MNS1: variants seen among roughly 807,000 people sequenced by gnomAD.
The protein encoded by MNS1 is meiosis-specific nuclear structural protein 1.
A neutral mutation model predicts 72.0 loss-of-function variants in MNS1; 63 were observed. The ratio of observed to expected loss-of-function variants is 0.87; its 90% CI spans 0.71 to 1.08. MNS1 has a LOEUF of 1.08. MNS1 is among the 50% of genes least tolerant of loss of function. MNS1 has a pLI of 0.00. For synonymous variants in MNS1, 188 were observed against 172.1 expected (o/e 1.09, Z -0.72); for missense variants, 604 against 562.4 (o/e 1.07, Z -0.75).
At chr15:56,464,402 A>G (rs1196190422) in intron 1 of MNS1, among the ~76,000 whole-genome samples, 155 bp from the exon 2 acceptor site, 1 of 152,240 alleles carries the variant, frequency 6.6e-6, no homozygotes, top group Non-Finnish European at 1.5e-5. Flanking sequence ...AAACGTGGTA[A>G]ATATGTTCAC....
intron 3 of MNS1, among the ~76,000 whole-genome samples, chr15:56,449,772 AAT>A (rs1413657565): frequency 2.6e-5 from 4 of 152,192 alleles, no homozygotes; most frequent in African/African-American, 9.7e-5. Context: ...TTCTTGTGCC[AAT>A]CAGTTTGGTA....
At chr15:56,463,964 G>T in intron 2 of MNS1, 62 bp downstream of exon 2, 1 of 1,326,902 alleles carries the variant, frequency 7.5e-7, no homozygotes, top group Admixed American at 2.0e-5. Context: ...ATTAACAGCT[G>T]ACTTTCATCG....
chr15:56,464,375 T>C, intron 1 of MNS1, 128 bp from the exon 2 acceptor site: 2 of 676,404 alleles, frequency 3.0e-6, no homozygotes, highest in Non-Finnish European at 5.0e-6. Flanking sequence ...TTCAAAGGAG[T>C]ATACCGAATA....
chr15:56,438,826 C>T lies in MNS1; in HGVS notation c.1012-4431G>A, dbSNP rs137994063. 5.8e-3 allele frequency among the ~76,000 whole-genome samples: 881 copies of T among 152,156 alleles called. 6 individuals are homozygous for T. The highest frequency in any genetic ancestry group is 8.6e-3 in the Non-Finnish European group (582 of 67,978). ...TCAAACAACCCCATCAAAAAGTGGGCGAAGGATATGAATAGACACTTCTCA... is the reference window on the plus strand; with the variant it reads ...TCAAACAACCCCATCAAAAAGTGGGTGAAGGATATGAATAGACACTTCTCA... On this transcript the variant is annotated intron_variant, in intron 7 of 9. Coordinates refer to ENST00000260453, the MANE Select transcript of MNS1 (RefSeq NM_018365.4).
At chr15:56,440,267 C>G (rs77672459) in intron 7 of MNS1, among the ~76,000 whole-genome samples, 2,480 of 152,146 alleles carry the variant, frequency 0.016, 61 homozygotes, top group African/African-American at 0.056. Flanking sequence ...AATTGTTGAG[C>G]TTCTGAGGAC....
At chr15:56,463,984 T>G in intron 2 of MNS1, 42 bp downstream of exon 2, 2 of 1,502,990 alleles carry the variant, frequency 1.3e-6, no homozygotes, top group Non-Finnish European at 1.8e-6. Flanking sequence ...GTTTCCAAGG[T>G]GCAAAATGAA....
chr15:56,447,134 G>C, intron 3 of MNS1, 191 bp from the exon 4 acceptor site: 1 of 506,272 alleles, frequency 2.0e-6, no homozygotes. Context: ...ACATTTTCTG[G>C]TTGAAAAGTA....
Position 56,444,520 on chromosome 15 carries a change from C to T in MNS1, c.610G>A (p.Glu204Lys). 6.2e-7 allele frequency: 1 copy of T among 1,612,252 alleles called. No individual in the cohort carries two copies. Among genetic ancestry groups the T allele is most frequent in the Non-Finnish European group, 8.5e-7 (1 of 1,179,398 alleles). The part of the protein sequence containing the change: ...QLEEQEKKKQ[E>K]AYEQLLKEKL... ...TCTTTTAGCAGCTGCTCATAAGCTTCCTGCTTTTTTTTTTCTTGTTCTTCA... is the reference window on the plus strand; with the variant it reads ...TCTTTTAGCAGCTGCTCATAAGCTTTCTGCTTTTTTTTTTCTTGTTCTTCA... Residue 204 changes from glutamate (E) to lysine (K), a missense_variant, in exon 5 of 10, where the codon GAA becomes AAA. Physicochemically the swap from Glu to Lys is moderately conservative, Grantham distance 56. Transcript: ENST00000260453.
intron 2 of MNS1, among the ~76,000 whole-genome samples, chr15:56,462,055 A>AG (rs1461957530): frequency 8.0e-6 from 1 of 125,722 alleles, no homozygotes; most frequent in Non-Finnish European, 1.6e-5. Flanking sequence ...TTCAGGCTGG[A>AG]GTGCGGTGGC....
rs377306125 is a variant in MNS1, at chr15:56,444,123, A to G, written c.687-269T>C. On this transcript the variant is annotated intron_variant, in intron 5 of 9. Transcript: ENST00000260453. ...TACAATCTGTTAACATTAGCTTTGC[A>G]GCACTCTATACTTAAGCTGTCTACC... 2.0e-5 allele frequency among the ~76,000 whole-genome samples: 3 copies of G among 152,156 alleles called. 1 individual carries two copies. The highest frequency in any genetic ancestry group is 6.5e-5 in the Admixed American group (1 of 15,274).
At chr15:56,429,831 G>A (rs2050522679) in intron 9 of MNS1, 2 of 152,124 alleles carry the variant, frequency 1.3e-5, no homozygotes, top group East Asian at 1.9e-4. Context: ...AAGGATAAAG[G>A]TCATTTTTGG....
intron 7 of MNS1, among the ~76,000 whole-genome samples, chr15:56,439,184 C>T (rs549950411): frequency 6.6e-6 from 1 of 152,182 alleles, no homozygotes; most frequent in East Asian, 1.9e-4. Flanking sequence ...TTTACGATTG[C>T]TCAAAAAATG....
chr15:56,434,190 C>CTTA lies in MNS1; in HGVS notation c.1216_1217insTAA (p.Arg405_Arg406insIle). ...CTCTTCAATAAGTTTTTCCACAGCC[C>CTTA]TCCTGTGTTCCAGCTGCTTCATTCT... is the stretch of plus-strand genomic sequence containing the variant. On this transcript the variant is annotated inframe_insertion, in exon 8 of 10. Transcript: ENST00000260453. 6.2e-7 allele frequency: 1 copy of CTTA among 1,613,866 alleles called. No homozygotes were observed. Among genetic ancestry groups the CTTA allele is most frequent in the African/African-American group, 1.3e-5 (1 of 75,042 alleles).
At chr15:56,454,483 T>G (rs1198328836) in intron 3 of MNS1, among the ~76,000 whole-genome samples, 1 of 152,146 alleles carries the variant, frequency 6.6e-6, no homozygotes, top group Non-Finnish European at 1.5e-5. Flanking sequence ...GGTAAATCTG[T>G]TATCTTTTAA....
At chr15:56,460,001 A>ATATATATATATATATAT (rs2051007058) in intron 2 of MNS1, among the ~76,000 whole-genome samples, 1 of 33,882 alleles carries the variant, frequency 3.0e-5, no homozygotes, top group African/African-American at 1.1e-4. Context: ...AAAAAAAAAA[A>ATATATATATATATATAT]AAAAAAAAAT....
At chr15:56,429,233 GA>G in intron 9 of MNS1, 40 bp from the exon 10 acceptor site, 2 of 1,295,480 alleles carry the variant, frequency 1.5e-6, no homozygotes, top group Non-Finnish European at 1.1e-6. Flanking sequence ...TTGAATACCA[GA>G]ATATTTCACT....
chr15:56,430,287 G>A (rs1382938721), intron 9 of MNS1, among the ~76,000 whole-genome samples: 1 of 152,142 alleles, frequency 6.6e-6, no homozygotes, highest in African/African-American at 2.4e-5. Context: ...GGTCACTGCA[G>A]CTTCAACTTT....
In MNS1 at chr15:56,428,858, G is replaced by C. The variant is rs151291258; in HGVS notation, c.*243C>G. On this transcript the variant is annotated 3_prime_UTR_variant, in exon 10 of 10. Transcript: ENST00000260453. Reference sequence around the variant, plus strand: ...GGTAAATATACTGTCTTGAGGATGGGGATGCAAACAGTGCTCTGTAGTGTT... The same window carrying C: ...GGTAAATATACTGTCTTGAGGATGGCGATGCAAACAGTGCTCTGTAGTGTT... 6.0e-5 allele frequency: 26 copies of C among 432,808 alleles called. No homozygotes were observed. The East Asian group carries it at 1.0e-3, about 17-fold the overall frequency. The allele number at this position is 432,808 out of a possible 1,614,324, so 26.8% of individuals were successfully genotyped here. A position where few individuals can be genotyped will look rare whatever the true frequency, so the allele number is the denominator to read the frequency against.
chr15:56,430,657 G>A (rs34755898), intron 9 of MNS1, among the ~76,000 whole-genome samples: 52,288 of 151,772 alleles, frequency 0.34, 10,362 homozygotes, highest in Non-Finnish European at 0.44. Flanking sequence ...GCCTATTACT[G>A]GTGTTACCAG....
Sources: gnomAD v4.1 joint callset for allele counts (sites outside exome capture counted in the v4.1 genomes callset) on GRCh38, gnomAD v4.1.1 for gene constraint, MANE v1.5 for transcripts, NCBI Gene and HGNC (gene_info 2026-07-23, HGNC 2026-07-21) for gene names.